The following KHDRBS2 variants were observed in gnomAD, a reference collection of about 807,000 sequenced individuals.
KHDRBS2 encodes the protein KH domain-containing, RNA-binding, signal transduction-associated protein 2.
Under a neutral mutation model 44.3 loss-of-function variants are expected in KHDRBS2, and 26 were observed. The ratio of observed to expected loss-of-function variants is 0.59; its 90% CI spans 0.43 to 0.81. KHDRBS2 has a LOEUF of 0.81. Among genes scored for constraint, KHDRBS2 ranks in the 40% least tolerant of loss-of-function variants. The pLI, the probability that KHDRBS2 is intolerant of heterozygous loss-of-function variation, is 0.00. For synonymous variants in KHDRBS2, 194 were observed against 151.1 expected (o/e 1.28, Z -2.08); for missense variants, 476 against 433.1 (o/e 1.10, Z -0.88).
At chr6:62,173,769 A>C (rs1037104469) in intron 2 of KHDRBS2, among the ~76,000 whole-genome samples, 1 of 152,130 alleles carries the variant, frequency 6.6e-6, no homozygotes, top group African/African-American at 2.4e-5. Context: ...TAACATATGC[A>C]AATCAATAAA....
intron 1 of KHDRBS2, among the ~76,000 whole-genome samples, chr6:62,278,804 G>A (rs1392677357): frequency 6.6e-6 from 1 of 151,946 alleles, no homozygotes; most frequent in African/African-American, 2.4e-5. Flanking sequence ...AAGTATTAAA[G>A]GCAGACACGG....
the KHDRBS2 span, among the ~76,000 whole-genome samples, chr6:61,575,103 A>T: frequency 3.3e-5 from 5 of 152,236 alleles, no homozygotes; most frequent in South Asian, 8.3e-4. Flanking sequence ...AAAAACAAAA[A>T]TAAATAGATG....
chr6:62,081,308 A>T (rs1182259208), intron 2 of KHDRBS2, among the ~76,000 whole-genome samples: 4 of 152,150 alleles, frequency 2.6e-5, no homozygotes, highest in African/African-American at 9.6e-5. Flanking sequence ...GTGAGATCAA[A>T]TGTAGCTGGA....
chr6:62,058,274 C>T (rs1790759014), intron 2 of KHDRBS2, among the ~76,000 whole-genome samples: 1 of 151,892 alleles, frequency 6.6e-6, no homozygotes. Flanking sequence ...ATCTCTCCTG[C>T]AGAGAGAATT....
chr6:62,129,099 T>G (rs1364660163), intron 2 of KHDRBS2, among the ~76,000 whole-genome samples: 2 of 152,118 alleles, frequency 1.3e-5, no homozygotes, highest in African/African-American at 4.8e-5. Context: ...TTCCAAGGCT[T>G]GTTAAAATTA....
At chr6:61,870,659 C>T (rs1033393925) in intron 6 of KHDRBS2, among the ~76,000 whole-genome samples, 15 of 152,124 alleles carry the variant, frequency 9.9e-5, no homozygotes, top group Non-Finnish European at 2.1e-4. Flanking sequence ...CCCTCTGGGA[C>T]GAAGCTCCCA....
intron 2 of KHDRBS2, among the ~76,000 whole-genome samples, chr6:62,082,304 C>A (rs1204911146): frequency 2.0e-5 from 2 of 98,642 alleles, no homozygotes; most frequent in Non-Finnish European, 4.0e-5. Context: ...AGAGCAAATA[C>A]ACACTGGTGT....
At chr6:62,057,221 C>A (rs929267587) in intron 2 of KHDRBS2, among the ~76,000 whole-genome samples, 2 of 151,936 alleles carry the variant, frequency 1.3e-5, no homozygotes, top group African/African-American at 4.8e-5. Context: ...TTACCTGTCA[C>A]AGTTTAAGTC....
At chr6:61,829,747 G>T in intron 6 of KHDRBS2, among the ~76,000 whole-genome samples, 1 of 152,112 alleles carries the variant, frequency 6.6e-6, no homozygotes, top group East Asian at 1.9e-4. Flanking sequence ...ATATATCAAT[G>T]TAAAACCGGA....
At chr6:61,807,151 T>A (rs1189714201) in intron 6 of KHDRBS2, among the ~76,000 whole-genome samples, 1 of 152,060 alleles carries the variant, frequency 6.6e-6, no homozygotes, top group East Asian at 1.9e-4. Context: ...TCAGAATGGC[T>A]ATTACTAAAA....
chr6:61,756,998 A>G (rs908498753), intron 6 of KHDRBS2, among the ~76,000 whole-genome samples: 2 of 152,198 alleles, frequency 1.3e-5, no homozygotes, highest in African/African-American at 2.4e-5. Context: ...TACCTGCTTT[A>G]ACTCAACGTA....
intron 2 of KHDRBS2, among the ~76,000 whole-genome samples, chr6:62,175,416 TG>T (rs565884055): frequency 4.3e-4 from 65 of 151,714 alleles, no homozygotes; most frequent in African/African-American, 1.5e-3. Flanking sequence ...TGCAAATATG[TG>T]GGCATGATCA....
intron 1 of KHDRBS2, among the ~76,000 whole-genome samples, chr6:62,266,849 T>C (rs145851800): frequency 2.0e-5 from 3 of 152,174 alleles, no homozygotes; most frequent in African/African-American, 7.2e-5. Flanking sequence ...AAAATTTAAA[T>C]AATAGTGTAC....
the KHDRBS2 span, among the ~76,000 whole-genome samples, chr6:61,635,474 C>T: frequency 6.6e-6 from 1 of 151,890 alleles, no homozygotes; most frequent in African/African-American, 2.4e-5. Context: ...TGGTTACTGA[C>T]CAAGTGTAAA....
At chr6:61,759,942 T>C (rs1294038724) in intron 6 of KHDRBS2, among the ~76,000 whole-genome samples, 1 of 152,224 alleles carries the variant, frequency 6.6e-6, no homozygotes, top group East Asian at 1.9e-4. Context: ...TCTGAGCCTT[T>C]GGGCAGGCAC....
At chr6:61,622,706 C>T in the KHDRBS2 span, among the ~76,000 whole-genome samples, 1 of 152,080 alleles carries the variant, frequency 6.6e-6, no homozygotes, top group East Asian at 1.9e-4. Flanking sequence ...AGGAAGTGAA[C>T]ATGCTTGAAT....
At chr6:61,651,698 A>G in the KHDRBS2 span, among the ~76,000 whole-genome samples, 1 of 152,194 alleles carries the variant, frequency 6.6e-6, no homozygotes, top group African/African-American at 2.4e-5. Flanking sequence ...CTGGCTCACA[A>G]TCCTTGTCAT....
intron 2 of KHDRBS2, among the ~76,000 whole-genome samples, chr6:62,069,040 T>C (rs1459308161): frequency 2.6e-5 from 4 of 151,646 alleles, no homozygotes; most frequent in Non-Finnish European, 5.9e-5. Flanking sequence ...CTAGGGATTT[T>C]GATACAGATT....
At chr6:62,138,947 A>G (rs1262083087) in intron 2 of KHDRBS2, among the ~76,000 whole-genome samples, 1 of 152,214 alleles carries the variant, frequency 6.6e-6, no homozygotes, top group Non-Finnish European at 1.5e-5. Flanking sequence ...CAGTGTATAA[A>G]AACGGCCATG....
Sources: allele counts gnomAD v4.1 joint callset (sites outside exome capture counted in the v4.1 genomes callset), GRCh38; gene constraint gnomAD v4.1.1; transcripts MANE v1.5; gene names NCBI Gene and HGNC (gene_info 2026-07-23, HGNC 2026-07-21).